The following NPAS4 variants were observed in gnomAD, a reference collection of about 807,000 sequenced individuals.
NPAS4 encodes the protein neuronal PAS domain protein 4.
A neutral mutation model predicts 64.0 loss-of-function variants in NPAS4; 10 were observed. The ratio of observed to expected loss-of-function variants is 0.16; its 90% confidence interval spans 0.10 to 0.26. The LOEUF is 0.26. NPAS4 is among the 10% of genes least tolerant of loss of function. NPAS4 has a pLI of 1.00. For synonymous variants in NPAS4, 441 were observed against 411.7 expected (o/e 1.07, Z -0.86); for missense variants, 886 against 992.6 (o/e 0.89, Z 1.44).
At chr11:66,421,404 C>T (rs980790377) in intron 1 of NPAS4, 50 bp downstream of exon 1, 4 of 1,578,856 alleles carry the variant, frequency 2.5e-6, no homozygotes, top group Non-Finnish European at 3.5e-6. Flanking sequence ...CGCCGGAGAC[C>T]CTGGAGCTGA....
In NPAS4 at chr11:66,422,699, C is replaced by T; in HGVS notation, c.456C>T (p.Asn152=). 2 of 1,614,052 alleles carry T rather than the reference C, an allele frequency of 1.2e-6. No individual in the cohort carries two copies. Among genetic ancestry groups the T allele is most frequent in the African/African-American group, 1.3e-5 (1 of 75,046 alleles). The change falls in exon 4 of 8, where the codon AAC becomes AAT. Residue 152 remains asparagine, a synonymous_variant. Transcript: ENST00000311034. ...ATCGCCTCTTCCGCTGCCGCTTCAA[C>T]ACCTCCAAGTCCCTCAGGCGCCAGA... ...DTDRLFRCRF[N]TSKSLRRQSA... is the part of the protein sequence containing the mutation.
chr11:66,419,633 C>T (rs927714504), upstream of NPAS4, among the ~76,000 whole-genome samples: 1 of 148,092 alleles, frequency 6.8e-6, no homozygotes, highest in African/African-American at 2.5e-5. Context: ...AGGATAAGAA[C>T]GGCACATCCT....
chr11:66,422,848 G>GGCC lies in NPAS4; in HGVS notation c.605_606insGCC (p.Pro203dup). The GGCC allele has an allele frequency of 6.2e-7, 1 of 1,613,606 alleles. No homozygotes were observed. The highest frequency in any genetic ancestry group is 8.5e-7 in the Non-Finnish European group (1 of 1,180,034). On this transcript the variant is annotated inframe_insertion, in exon 4 of 8. Coordinates refer to ENST00000311034, the MANE Select transcript of NPAS4 (RefSeq NM_178864.4). ...CCTCTGGAGCCGAGACCCCGCCCAG[G>GGCC]TCCTGGCCCTGGCCCTGGCCCTGCC...
At position 66,421,254 on chromosome 11, in the gene NPAS4, G is replaced by T. The variant is rs141939779; in HGVS notation, c.75G>T (p.Glu25Asp). The T allele has an allele frequency of 1.6e-3, 2,591 of 1,614,054 alleles. 4 individuals carry two copies. Among genetic ancestry groups the T allele is most frequent in the Non-Finnish European group, 2.0e-3 (2,413 of 1,179,982 alleles). ...ACGCCGAGATCCGGAACCTCAAGGA[G>T]CTGCTGCCGCTGGCCGAAGCGGACA... is the stretch of plus-strand genomic sequence containing the variant. ...QINAEIRNLK[E>D]LLPLAEADKV... The change falls in exon 1 of 8, where the codon GAG (glutamate) becomes GAT (aspartate). Residue 25 changes from glutamate to aspartate, a missense_variant. Glu to Asp is a conservative substitution (Grantham distance 45). This residue lies in a region of NPAS4 where 38 missense variants were observed against 80.1 expected (regional missense o/e 0.47). Coordinates refer to ENST00000311034, the MANE Select transcript of NPAS4 (RefSeq NM_178864.4).
the NPAS4 span, among the ~76,000 whole-genome samples, chr11:66,412,271 G>A: frequency 3.9e-5 from 6 of 152,354 alleles, no homozygotes; most frequent in African/African-American, 7.2e-5. Flanking sequence ...CGGGACCTCC[G>A]TCTCTGGCTT....
upstream of NPAS4, among the ~76,000 whole-genome samples, chr11:66,418,654 GA>G (rs940221700): frequency 3.3e-5 from 5 of 151,998 alleles, no homozygotes; most frequent in Non-Finnish European, 7.4e-5. Flanking sequence ...CATTCTCCTG[GA>G]AAAAGCCAGG....
At chr11:66,420,166 G>A (rs1856719562), upstream of NPAS4, among the ~76,000 whole-genome samples, 1 of 152,254 alleles carries the variant, frequency 6.6e-6, no homozygotes, top group Non-Finnish European at 1.5e-5. Flanking sequence ...ATGCCTAAGT[G>A]CAGACCCAGG....
Position 66,424,129 on chromosome 11 carries a change from A to G in NPAS4, c.1239A>G (p.Gln413=). The G allele has an allele frequency of 1.9e-6, 3 of 1,614,006 alleles. No homozygotes were observed. The highest frequency in any genetic ancestry group is 1.1e-5 in the South Asian group (1 of 91,072). The change falls in exon 7 of 8, where the codon CAA becomes CAG. Residue 413 remains glutamine (Q), a synonymous_variant. Coordinates refer to ENST00000311034, the MANE Select transcript of NPAS4 (RefSeq NM_178864.4). Reference sequence around the variant, plus strand: ...CTTCTGGGCCTGAGCCTTCTCTCCAAGCAGAACTAAGCAAGGATCTTGTGT... The same window carrying G: ...CTTCTGGGCCTGAGCCTTCTCTCCAGGCAGAACTAAGCAAGGATCTTGTGT... ...TFPSGPEPSL[Q]AELSKDLVCT...
In NPAS4 at chr11:66,426,505, T is replaced by TG. The variant is rs1271398497; in HGVS notation, c.*522dup. ...TGACTTTTGCGCCCCGCGCCTGGGG[T>TG]GGGGGGTGCGAAGAGACGCTACGTT... On this transcript the variant is annotated 3_prime_UTR_variant, in exon 8 of 8. Transcript: ENST00000311034. 5 of 155,444 alleles carry TG rather than the reference T, an allele frequency of 3.2e-5. No individual in the cohort carries two copies. 9.6% of individuals were successfully genotyped at this position (155,444 alleles called of 1,614,324 possible).
At position 66,421,114 on chromosome 11, in the gene NPAS4, G is replaced by A; in HGVS notation, c.-66G>A. ...ACGGGGAAGCACGGAGGAGGAAGCC[G>A]CCGGTGCGTCGGGACGGGAGCGCAG... On this transcript the variant is annotated 5_prime_UTR_variant, in exon 1 of 8. Coordinates refer to ENST00000311034, the MANE Select transcript of NPAS4 (RefSeq NM_178864.4). 1 of 1,402,546 alleles carries A rather than the reference G, an allele frequency of 7.1e-7. No individual in the cohort carries two copies. The highest frequency in any genetic ancestry group is 9.8e-7 in the Non-Finnish European group (1 of 1,023,856). The allele number at this position is 1,402,546 out of a possible 1,614,324, so 86.9% of individuals were successfully genotyped here.
At position 66,421,246 on chromosome 11, in the gene NPAS4, C is replaced by G; in HGVS notation, c.67C>G (p.Leu23Val). 6.2e-7 allele frequency: 1 copy of G among 1,613,980 alleles called. No individual in the cohort carries two copies. Among genetic ancestry groups the G allele is most frequent in the Non-Finnish European group, 8.5e-7 (1 of 1,179,950 alleles). The stretch of plus-strand genomic sequence containing the variant: ...CCAGATCAACGCCGAGATCCGGAAC[C>G]TCAAGGAGCTGCTGCCGCTGGCCGA... ...RDQINAEIRN[L>V]KELLPLAEAD... Residue 23 changes from leucine to valine, a missense_variant, in exon 1 of 8, where the codon CTC becomes GTC. This residue lies in a region of NPAS4 where 38 missense variants were observed against 80.1 expected (regional missense o/e 0.47). Coordinates refer to ENST00000311034, the MANE Select transcript of NPAS4 (RefSeq NM_178864.4).
upstream of NPAS4, among the ~76,000 whole-genome samples, chr11:66,420,550 T>G (rs1403917055): frequency 6.6e-6 from 1 of 152,242 alleles, no homozygotes; most frequent in Non-Finnish European, 1.5e-5. Context: ...CATGTGAACG[T>G]GACCTTGTCT....
In NPAS4 at chr11:66,423,407, C is replaced by A. The variant is rs951715834; in HGVS notation, c.809-171C>A. On this transcript the variant is annotated intron_variant, in intron 5 of 7. Coordinates refer to ENST00000311034, the MANE Select transcript of NPAS4 (RefSeq NM_178864.4). ...ATTCAAGGCAATAATCAAATCAGAA[C>A]TGGGGGACTCTGAGTGGTGAGGTCA... 3.0e-5 allele frequency: 25 copies of A among 835,696 alleles called. No homozygotes were observed. In the Admixed American group the frequency reaches 5.3e-4, roughly 18 times the overall value. 51.8% of individuals were successfully genotyped at this position (835,696 alleles called of 1,614,324 possible). A position where few individuals can be genotyped will look rare whatever the true frequency, so the allele number is the denominator to read the frequency against.
At position 66,423,945 on chromosome 11, in the gene NPAS4, C is replaced by T. The variant is rs1856796365; in HGVS notation, c.1055C>T (p.Ser352Phe). 6.8e-6 allele frequency: 11 copies of T among 1,613,982 alleles called. No homozygotes were observed. In the East Asian group the frequency reaches 2.2e-4, roughly 33 times the overall value. ...MLPSFPENIL[S>F]QEECSSTNPL... ...CCCTCATTCCCTGAAAACATTCTTTCCCAGGAAGAGTGCTCCAGCACTAAC... is the reference window on the plus strand; with the variant it reads ...CCCTCATTCCCTGAAAACATTCTTTTCCAGGAAGAGTGCTCCAGCACTAAC... The change falls in exon 7 of 8, where the codon TCC (serine) becomes TTC (phenylalanine). Residue 352 changes from serine (S) to phenylalanine (F), a missense_variant. Coordinates refer to ENST00000311034, the MANE Select transcript of NPAS4 (RefSeq NM_178864.4).
upstream of NPAS4, among the ~76,000 whole-genome samples, chr11:66,420,394 A>G (rs987083974): frequency 2.0e-5 from 3 of 152,182 alleles, no homozygotes; most frequent in African/African-American, 7.2e-5. Flanking sequence ...ACACCCCCTG[A>G]TAAGCCGCCA....
At chr11:66,411,981 A>G in the NPAS4 span, among the ~76,000 whole-genome samples, 3 of 152,218 alleles carry the variant, frequency 2.0e-5, no homozygotes, top group Non-Finnish European at 4.4e-5. Flanking sequence ...CTCATCAGGT[A>G]CACAAGGTGT....
Position 66,424,233 on chromosome 11 carries a change from T to C in NPAS4, c.1343T>C (p.Leu448Ser), listed in dbSNP as rs1482258031. The C allele has an allele frequency of 6.2e-7, 1 of 1,613,994 alleles. No individual in the cohort carries two copies. The highest frequency in any genetic ancestry group is 1.3e-5 in the African/African-American group (1 of 74,924). The part of the protein sequence containing the change: ...FSLHEPFQTH[L>S]PTPSSTLQEQ... The stretch of plus-strand genomic sequence containing the variant: ...CTCCATGAGCCCTTCCAGACCCATT[T>C]GCCCACCCCATCCAGCACTCTTCAA... Residue 448 changes from leucine (L) to serine (S), a missense_variant, in exon 7 of 8, where the codon TTG becomes TCG. Leu to Ser is a moderately radical substitution (Grantham distance 145). Transcript: ENST00000311034.
At position 66,422,018 on chromosome 11, in the gene NPAS4, G is replaced by A. The variant is rs1856752014; in HGVS notation, c.176-102G>A. ...CAGGTGTTTGCAGAGGCAGGTCCAT[G>A]AGAAATTCCTCTGGATTCTCTGAAA... On this transcript the variant is annotated intron_variant, in intron 1 of 7. Coordinates refer to ENST00000311034, the MANE Select transcript of NPAS4 (RefSeq NM_178864.4). 6.4e-6 allele frequency: 7 copies of A among 1,090,720 alleles called. No homozygotes were observed. In the South Asian group the frequency reaches 9.8e-5, roughly 15 times the overall value. The allele number at this position is 1,090,720 out of a possible 1,614,324, so 67.6% of individuals were successfully genotyped here. A position where few individuals can be genotyped will look rare whatever the true frequency, so the allele number is the denominator to read the frequency against.
chr11:66,426,264 G>C lies in NPAS4; in HGVS notation c.*275G>C, dbSNP rs903618162. 5 of 397,466 alleles carry C rather than the reference G, an allele frequency of 1.3e-5. No individual in the cohort carries two copies. The Admixed American group carries it at 2.0e-4, about 16-fold the overall frequency. 24.6% of individuals were successfully genotyped at this position (397,466 alleles called of 1,614,324 possible). On this transcript the variant is annotated 3_prime_UTR_variant, in exon 8 of 8. Transcript: ENST00000311034. ...TTGAATGGGATTTCAAGCGGAGAAT[G>C]GGGGAGTCTCACTTCCCCGCCGCCT...
Sources: gnomAD v4.1 joint callset for allele counts (sites outside exome capture counted in the v4.1 genomes callset) on GRCh38, gnomAD v4.1.1 for gene constraint, gnomAD v4.1.1 regional missense constraint, MANE v1.5 for transcripts, NCBI Gene and HGNC (gene_info 2026-07-23, HGNC 2026-07-21) for gene names.